SMAD5: variants seen among roughly 807,000 people sequenced by gnomAD.
SMAD5 encodes SMAD family member 5.
Under a neutral mutation model 43.1 loss-of-function variants are expected in SMAD5, and 9 were observed. The observed-to-expected ratio is 0.21, with a 90% CI of 0.13 to 0.36. The LOEUF is 0.36. SMAD5 is among the 10% of genes least tolerant of loss of function. SMAD5 has a pLI of 1.00. For missense variants in SMAD5, 348 were observed against 574.0 expected, an observed-to-expected ratio of 0.61 and a Z score of 4.02; for synonymous variants, 190 against 192.4, an observed-to-expected ratio of 0.99 and a Z score of 0.10.
intron 2 of SMAD5, among the ~76,000 whole-genome samples, chr5:136,149,149 A>G (rs2149765537): frequency 6.6e-6 from 1 of 151,990 alleles, no homozygotes; most frequent in South Asian, 2.1e-4. Context: ...AGAATTCTCC[A>G]TGTTTTACAC....
chr5:136,163,774 C>T (rs1753904849), intron 5 of SMAD5, among the ~76,000 whole-genome samples: 1 of 152,180 alleles, frequency 6.6e-6, no homozygotes, highest in South Asian at 2.1e-4. Context: ...CGTGTTGTAG[C>T]ATGTATCAAT....
Position 136,153,958 on chromosome 5 carries a change from C to T in SMAD5, c.198C>T (p.Val66=). 6.2e-7 allele frequency: 1 copy of T among 1,611,794 alleles called. No individual in the cohort carries two copies. Among genetic ancestry groups the T allele is most frequent in the Non-Finnish European group, 8.5e-7 (1 of 1,179,156 alleles). The part of the protein sequence containing the change: ...LSSPGQPSKC[V]TIPRSLDGRL... The stretch of plus-strand genomic sequence containing the variant: ...GTCCAGGACAGCCGAGTAAATGTGT[C>T]ACTATTCCCAGATCTTTAGATGGAC... Residue 66 remains valine, a synonymous_variant, in exon 3 of 8, where the codon GTC becomes GTT. Coordinates refer to ENST00000545279, the MANE Select transcript of SMAD5 (RefSeq NM_005903.7).
intron 2 of SMAD5, among the ~76,000 whole-genome samples, chr5:136,148,167 A>T (rs1480148944): frequency 6.6e-6 from 1 of 151,848 alleles, no homozygotes; most frequent in Non-Finnish European, 1.5e-5. Flanking sequence ...ATCAAGTGTG[A>T]ATGGATAAAC....
chr5:136,154,607 T>TA lies in SMAD5; in HGVS notation c.403+453dup, dbSNP rs1047662701. 8.6e-5 allele frequency among the ~76,000 whole-genome samples: 13 copies of TA among 151,806 alleles called. No individual in the cohort carries two copies. The East Asian group carries it at 2.1e-3, about 25-fold the overall frequency. On this transcript the variant is annotated intron_variant, in intron 3 of 7. Coordinates refer to ENST00000545279, the MANE Select transcript of SMAD5 (RefSeq NM_005903.7). Reference sequence around the variant, plus strand: ...ATACTACCCATCCTAAAATAAAACTTAAAAAAAAATTCTGCTTTTCACTTC... The same window carrying TA: ...ATACTACCCATCCTAAAATAAAACTTAAAAAAAAAATTCTGCTTTTCACTTC...
chr5:136,139,786 C>G (rs1753012075), intron 1 of SMAD5, among the ~76,000 whole-genome samples: 1 of 152,180 alleles, frequency 6.6e-6, no homozygotes, highest in Non-Finnish European at 1.5e-5. Context: ...ACCTTGACCT[C>G]TTGGGCTCAA....
At chr5:136,174,037 A>G (rs958354290) in intron 6 of SMAD5, among the ~76,000 whole-genome samples, 1 of 150,554 alleles carries the variant, frequency 6.6e-6, no homozygotes, top group Non-Finnish European at 1.5e-5. Context: ...CTGAGGATTT[A>G]TTTGAAAGGA....
At chr5:136,163,867 G>T (rs1217006593) in intron 5 of SMAD5, among the ~76,000 whole-genome samples, 1 of 152,000 alleles carries the variant, frequency 6.6e-6, no homozygotes, top group African/African-American at 2.4e-5. Context: ...CATTTGAATT[G>T]TTTCCGTATT....
chr5:136,160,433 C>A (rs765201878), intron 3 of SMAD5, among the ~76,000 whole-genome samples: 38 of 152,092 alleles, frequency 2.5e-4, no homozygotes, highest in Non-Finnish European at 4.4e-4. Context: ...TCTTCCCAGC[C>A]CTAGTACTCC....
chr5:136,136,446 T>C (rs1236091909), intron 1 of SMAD5, among the ~76,000 whole-genome samples: 1 of 152,152 alleles, frequency 6.6e-6, no homozygotes, highest in Non-Finnish European at 1.5e-5. Context: ...AATAGAATAA[T>C]AGTCATTGGA....
intron 4 of SMAD5, 126 bp from the exon 5 acceptor site, chr5:136,163,146 C>G (rs1366601155): frequency 2.7e-6 from 2 of 737,644 alleles, no homozygotes; most frequent in African/African-American, 3.6e-5. Context: ...GGATAGTATC[C>G]TACATTTTTT....
chr5:136,170,549 G>A (rs1420774583), intron 5 of SMAD5, among the ~76,000 whole-genome samples: 1 of 152,052 alleles, frequency 6.6e-6, no homozygotes, highest in African/African-American at 2.4e-5. Flanking sequence ...CTTTGATATT[G>A]TGTTGGCTAT....
chr5:136,165,823 A>G (rs761405946), intron 5 of SMAD5, among the ~76,000 whole-genome samples: 22 of 151,702 alleles, frequency 1.5e-4, no homozygotes, highest in Admixed American at 2.6e-4. Context: ...CTATTCATCC[A>G]TTGATAGACA....
intron 1 of SMAD5, among the ~76,000 whole-genome samples, chr5:136,143,453 A>G (rs1225559946): frequency 2.0e-5 from 3 of 152,138 alleles, no homozygotes; most frequent in East Asian, 1.9e-4. Flanking sequence ...TACACGGCAC[A>G]TAGAACTACT....
At chr5:136,140,993 A>G (rs1485630841) in intron 1 of SMAD5, among the ~76,000 whole-genome samples, 4 of 152,126 alleles carry the variant, frequency 2.6e-5, no homozygotes, top group Non-Finnish European at 5.9e-5. Flanking sequence ...TGAACAAATT[A>G]TTATGAATCA....
intron 5 of SMAD5, among the ~76,000 whole-genome samples, chr5:136,164,567 T>C (rs1479779926): frequency 6.6e-6 from 1 of 152,196 alleles, no homozygotes; most frequent in African/African-American, 2.4e-5. Flanking sequence ...CTTTTGCCCA[T>C]TGGGTTGTCT....
At position 136,177,351 on chromosome 5, in the gene SMAD5, A is replaced by C; in HGVS notation, c.1269A>C (p.Glu423Asp). The C allele has an allele frequency of 6.2e-7, 1 of 1,613,828 alleles. No homozygotes were observed. The highest frequency in any genetic ancestry group is 8.5e-7 in the Non-Finnish European group (1 of 1,179,822). Residue 423 changes from glutamate to aspartate, a missense_variant, in exon 8 of 8, where the codon GAA becomes GAC. By Grantham distance (45) the Glu-to-Asp change is conservative. Transcript: ENST00000545279. ...RMSFVKGWGA[E>D]YHRQDVTSTP... ...CATTTTCATAGGGTTGGGGAGCAGAATATCACCGGCAGGATGTAACCAGCA... is the reference window on the plus strand; with the variant it reads ...CATTTTCATAGGGTTGGGGAGCAGACTATCACCGGCAGGATGTAACCAGCA...
intron 4 of SMAD5, among the ~76,000 whole-genome samples, chr5:136,161,651 A>G (rs545949062): frequency 6.6e-6 from 1 of 152,336 alleles, no homozygotes; most frequent in East Asian, 1.9e-4. Flanking sequence ...TAGATAACTG[A>G]TGAACTGATT....
chr5:136,164,442 G>C (rs1753928629), intron 5 of SMAD5, among the ~76,000 whole-genome samples: 1 of 152,160 alleles, frequency 6.6e-6, no homozygotes, highest in Non-Finnish European at 1.5e-5. Flanking sequence ...ATTCTAGTGG[G>C]TGTAAAGTGC....
At chr5:136,138,848 T>C (rs1464186596) in intron 1 of SMAD5, among the ~76,000 whole-genome samples, 1 of 152,146 alleles carries the variant, frequency 6.6e-6, no homozygotes, top group Non-Finnish European at 1.5e-5. Flanking sequence ...AATCTGAATT[T>C]TGAGGGATGG....
Sources: allele counts gnomAD v4.1 joint callset (sites outside exome capture counted in the v4.1 genomes callset), GRCh38; gene constraint gnomAD v4.1.1; transcripts MANE v1.5; gene names NCBI Gene and HGNC (gene_info 2026-07-23, HGNC 2026-07-21).